ODAD2: variants seen among roughly 807,000 people sequenced by gnomAD.
ODAD2 encodes the protein outer dynein arm docking complex subunit 2.
ODAD2 carries 89 observed loss-of-function variants against 106.8 expected under a neutral mutation model. The observed-to-expected ratio is 0.83, with a 90% confidence interval of 0.70 to 0.99. The LOEUF (loss-of-function observed/expected upper bound fraction) is 0.99. ODAD2 is among the 50% of genes least tolerant of loss of function. The pLI is 0.00. For missense variants in ODAD2, 1,168 were observed against 1,238.5 expected, an observed-to-expected ratio of 0.94 and a Z score of 0.85; for synonymous variants, 404 against 436.2, an observed-to-expected ratio of 0.93 and a Z score of 0.92.
intron 16 of ODAD2, among the ~76,000 whole-genome samples, chr10:27,924,019 AAAGAAG>A (rs1187273935): frequency 3.7e-4 from 53 of 144,590 alleles, no homozygotes; most frequent in African/African-American, 1.3e-3. Context: ...AGAAAGAAAG[AAAGAAG>A]GAAAGAGAAA....
chr10:27,817,026 A>G (rs1836187374), intron 19 of ODAD2, among the ~76,000 whole-genome samples: 1 of 152,204 alleles, frequency 6.6e-6, no homozygotes, highest in Non-Finnish European at 1.5e-5. Context: ...CTTGGATTAC[A>G]GGCATGAGCC....
chr10:27,888,496 T>C (rs777796660), intron 17 of ODAD2, among the ~76,000 whole-genome samples: 1 of 152,190 alleles, frequency 6.6e-6, no homozygotes, highest in Non-Finnish European at 1.5e-5. Flanking sequence ...TCATGTTCTT[T>C]GCCCTCTTTT....
At chr10:27,979,231 CAA>C (rs1313032503) in intron 7 of ODAD2, among the ~76,000 whole-genome samples, 9 of 41,884 alleles carry the variant, frequency 2.1e-4, no homozygotes, top group Non-Finnish European at 2.6e-4. Context: ...GACTCCATCT[CAA>C]AAAAAAAAAA....
intron 15 of ODAD2, among the ~76,000 whole-genome samples, chr10:27,935,603 T>A (rs1260605068): frequency 6.6e-6 from 1 of 152,024 alleles, no homozygotes; most frequent in Non-Finnish European, 1.5e-5. Flanking sequence ...AAATTATATG[T>A]TATATATTTT....
rs188685950 is a variant in ODAD2, at chr10:27,945,851, A to C, written c.1387-889T>G. On this transcript the variant is annotated intron_variant, in intron 10 of 19. Coordinates refer to ENST00000305242, the MANE Select transcript of ODAD2 (RefSeq NM_018076.5). ...GGCATCAGCACTAAAGTAGCGCATC[A>C]CACACAAAAGCAAGAAGGCTGTTCA... Among the ~76,000 whole-genome samples the C allele has an allele frequency of 2.0e-5, 3 of 151,858 alleles. No homozygotes were observed. The East Asian group carries it at 5.8e-4, about 29-fold the overall frequency.
chr10:27,969,780 T>C (rs1326049469), intron 8 of ODAD2, among the ~76,000 whole-genome samples: 5 of 152,180 alleles, frequency 3.3e-5, no homozygotes, highest in Non-Finnish European at 5.9e-5. Flanking sequence ...GAATATCACC[T>C]ACAGGCTGCA....
At chr10:27,844,507 T>C (rs1287720979) in intron 19 of ODAD2, among the ~76,000 whole-genome samples, 2 of 152,218 alleles carry the variant, frequency 1.3e-5, no homozygotes, top group Non-Finnish European at 2.9e-5. Context: ...ACTTGAGCAA[T>C]ACCTTCCAAT....
At chr10:27,959,808 TG>T (rs1315581916) in intron 10 of ODAD2, among the ~76,000 whole-genome samples, 6 of 152,154 alleles carry the variant, frequency 3.9e-5, no homozygotes, top group Non-Finnish European at 8.8e-5. Flanking sequence ...TAATAAACAG[TG>T]AATCATTTTT....
At chr10:27,920,291 TA>T (rs1383714800) in intron 16 of ODAD2, among the ~76,000 whole-genome samples, 12 of 152,270 alleles carry the variant, frequency 7.9e-5, no homozygotes, top group Non-Finnish European at 1.3e-4. Context: ...GTTTACAAAT[TA>T]AAAAAATTTT....
chr10:27,852,663 A>G (rs1839348510), intron 19 of ODAD2, among the ~76,000 whole-genome samples: 1 of 152,220 alleles, frequency 6.6e-6, no homozygotes, highest in African/African-American at 2.4e-5. Flanking sequence ...AAGATGGTAC[A>G]TTTAAAGCTA....
intron 19 of ODAD2, among the ~76,000 whole-genome samples, chr10:27,821,226 T>G (rs1836583696): frequency 6.6e-6 from 1 of 152,206 alleles, no homozygotes; most frequent in African/African-American, 2.4e-5. Context: ...GTATGAATAT[T>G]TGAGAAGTAC....
rs941468389 is a variant in ODAD2, at chr10:27,893,915, C to T, written c.2610+13748G>A. Among the ~76,000 whole-genome samples the T allele has an allele frequency of 9.9e-5, 15 of 151,976 alleles. 1 individual carries two copies. The highest frequency in any genetic ancestry group is 3.6e-4 in the African/African-American group (15 of 41,478). ...CTGTAATCCCAGTGCTTTGGGAGGC[C>T]GAGGTGGGTGGATCACCTGGAGCCT... On this transcript the variant is annotated intron_variant, in intron 17 of 19. Coordinates refer to ENST00000305242, the MANE Select transcript of ODAD2 (RefSeq NM_018076.5).
intron 18 of ODAD2, among the ~76,000 whole-genome samples, chr10:27,861,156 T>TA (rs1840015343): frequency 6.6e-6 from 1 of 152,160 alleles, no homozygotes; most frequent in Non-Finnish European, 1.5e-5. Flanking sequence ...CACACCTGGC[T>TA]AATTTTTGTA....
At chr10:27,866,517 G>C (rs1051707099) in intron 17 of ODAD2, among the ~76,000 whole-genome samples, 2 of 152,124 alleles carry the variant, frequency 1.3e-5, no homozygotes, top group African/African-American at 4.8e-5. Context: ...GTGTTACTAT[G>C]AAGGGATACT....
At chr10:27,946,908 T>C (rs978967860) in intron 10 of ODAD2, among the ~76,000 whole-genome samples, 1 of 152,128 alleles carries the variant, frequency 6.6e-6, no homozygotes, top group Non-Finnish European at 1.5e-5. Context: ...TTTAAGAAAA[T>C]TTCTTCCATG....
intron 2 of ODAD2, among the ~76,000 whole-genome samples, chr10:27,990,236 C>T (rs548387053): frequency 6.6e-6 from 1 of 152,256 alleles, no homozygotes; most frequent in East Asian, 1.9e-4. Flanking sequence ...CAGCCTCGAA[C>T]TCCTGGGCTC....
intron 10 of ODAD2, among the ~76,000 whole-genome samples, chr10:27,952,134 G>A (rs1425614692): frequency 7.1e-6 from 1 of 140,050 alleles, no homozygotes; most frequent in Non-Finnish European, 1.5e-5. Context: ...TAGTATAACA[G>A]CTAAAGGATT....
rs573689509 is a variant in ODAD2, at chr10:27,845,781, G to A, written c.3021+14844C>T. Among the ~76,000 whole-genome samples the A allele has an allele frequency of 2.6e-5, 4 of 152,226 alleles. No individual in the cohort carries two copies. In the East Asian group the frequency reaches 7.7e-4, roughly 29 times the overall value. On this transcript the variant is annotated intron_variant, in intron 19 of 19. Coordinates refer to ENST00000305242, the MANE Select transcript of ODAD2 (RefSeq NM_018076.5). The stretch of plus-strand genomic sequence containing the variant: ...GGCAGGAGTTGCAATCCTAGTCTCT[G>A]ATAAAACAGACTTTTAAACCAACAA...
chr10:27,936,824 G>A lies in ODAD2; in HGVS notation c.2154C>T (p.Pro718=). 1 of 1,613,928 alleles carries A rather than the reference G, an allele frequency of 6.2e-7. No homozygotes were observed. Among genetic ancestry groups the A allele is most frequent in the Middle Eastern group, 1.7e-4 (1 of 6,056 alleles). The change falls in exon 15 of 20, where the codon CCC becomes CCT. Residue 718 remains proline, a synonymous_variant. Transcript: ENST00000305242. Reference sequence around the variant, plus strand: ...CAGTGTTATTGAGTAGACTGGCCAAGGGCTTAAGTCCTCCGTGCAGCCTAA... The same window carrying A: ...CAGTGTTATTGAGTAGACTGGCCAAAGGCTTAAGTCCTCCGTGCAGCCTAA... The part of the protein sequence containing the change: ...DLVRLHGGLK[P]LASLLNNTDN...
Sources: gnomAD v4.1 joint callset for allele counts (sites outside exome capture counted in the v4.1 genomes callset) on GRCh38, gnomAD v4.1.1 for gene constraint, MANE v1.5 for transcripts, NCBI Gene and HGNC (gene_info 2026-07-23, HGNC 2026-07-21) for gene names.